NCAM2: variants seen among roughly 807,000 people sequenced by gnomAD.
NCAM2 encodes the protein neural cell adhesion molecule 2.
Under a neutral mutation model 98.1 loss-of-function variants are expected in NCAM2, and 30 were observed. The ratio of observed to expected loss-of-function variants is 0.31; its 90% CI spans 0.23 to 0.41. NCAM2 has a LOEUF of 0.41. NCAM2 is among the 10% of genes least tolerant of loss of function. NCAM2 has a pLI of 1.00. For missense variants in NCAM2, 867 were observed against 1,005.8 expected, an observed-to-expected ratio of 0.86 and a Z score of 1.87; for synonymous variants, 368 against 342.4, an observed-to-expected ratio of 1.07 and a Z score of -0.83.
chr21:21,077,244 G>A (rs964817823), intron 1 of NCAM2, among the ~76,000 whole-genome samples: 17 of 152,284 alleles, frequency 1.1e-4, no homozygotes, highest in Non-Finnish European at 2.2e-4. Context: ...TGTAAATTAT[G>A]TGTGGCTTTG....
chr21:21,099,857 T>C (rs1040886621), intron 1 of NCAM2, among the ~76,000 whole-genome samples: 1 of 151,888 alleles, frequency 6.6e-6, no homozygotes. Context: ...TCTTTACTTC[T>C]ACACTACTGA....
intron 5 of NCAM2, among the ~76,000 whole-genome samples, chr21:21,316,199 C>T (rs945740452): frequency 6.6e-6 from 1 of 152,048 alleles, no homozygotes; most frequent in African/African-American, 2.4e-5. Context: ...AAAGTAGTTC[C>T]AATTATTTCT....
intron 16 of NCAM2, among the ~76,000 whole-genome samples, chr21:21,518,679 A>G (rs954240562): frequency 4.6e-5 from 7 of 151,774 alleles, no homozygotes; most frequent in African/African-American, 1.7e-4. Context: ...ATAGATAGAG[A>G]TATATATTAA....
chr21:21,395,784 C>T (rs922495641), intron 9 of NCAM2, among the ~76,000 whole-genome samples: 3 of 150,258 alleles, frequency 2.0e-5, no homozygotes, highest in South Asian at 2.1e-4. Flanking sequence ...ATTCAACAAA[C>T]GGTACTGGGA....
chr21:21,457,148 T>C (rs1250640527), intron 12 of NCAM2, among the ~76,000 whole-genome samples: 1 of 151,860 alleles, frequency 6.6e-6, no homozygotes, highest in Non-Finnish European at 1.5e-5. Context: ...TTGCCTCAAA[T>C]AGACTATTAA....
chr21:21,034,054 G>GT (rs1197196654), intron 1 of NCAM2, among the ~76,000 whole-genome samples: 2 of 147,862 alleles, frequency 1.4e-5, no homozygotes, highest in Admixed American at 6.7e-5. Flanking sequence ...ATAGGCAAAG[G>GT]GGGGGGGGAA....
intron 1 of NCAM2, among the ~76,000 whole-genome samples, chr21:21,276,683 A>T (rs191441968): frequency 3.7e-4 from 57 of 152,244 alleles, no homozygotes; most frequent in Non-Finnish European, 7.2e-4. Context: ...AATTTTAGTT[A>T]TGTAGGATTT....
intron 1 of NCAM2, among the ~76,000 whole-genome samples, chr21:21,152,535 T>C (rs1030658633): frequency 5.3e-5 from 8 of 151,954 alleles, no homozygotes; most frequent in Admixed American, 2.6e-4. Flanking sequence ...GTGGCAACAA[T>C]TGAAACATTT....
chr21:21,283,686 T>C (rs2147512425), intron 2 of NCAM2, among the ~76,000 whole-genome samples: 1 of 152,046 alleles, frequency 6.6e-6, no homozygotes, highest in Non-Finnish European at 1.5e-5. Flanking sequence ...AAATTTAGTA[T>C]TATCAAAGGC....
chr21:21,128,210 A>G (rs751060738), intron 1 of NCAM2, among the ~76,000 whole-genome samples: 1 of 150,908 alleles, frequency 6.6e-6, no homozygotes, highest in African/African-American at 2.4e-5. Flanking sequence ...TAGTTGGTCA[A>G]AGAACAAATA....
At chr21:21,480,751 A>G (rs945759960) in intron 15 of NCAM2, among the ~76,000 whole-genome samples, 3 of 152,204 alleles carry the variant, frequency 2.0e-5, no homozygotes, top group Non-Finnish European at 4.4e-5. Context: ...ACAGCGGTAG[A>G]AAAAATAAAA....
chr21:21,042,295 C>T (rs999319529), intron 1 of NCAM2, among the ~76,000 whole-genome samples: 1 of 152,108 alleles, frequency 6.6e-6, no homozygotes, highest in Non-Finnish European at 1.5e-5. Context: ...CACGATTCTC[C>T]TGCGTCAGCC....
chr21:21,216,047 A>T (rs894809098), intron 1 of NCAM2, among the ~76,000 whole-genome samples: 11 of 152,300 alleles, frequency 7.2e-5, no homozygotes, highest in South Asian at 6.2e-4. Flanking sequence ...GACCTGAGAC[A>T]ATATATTTAT....
intron 15 of NCAM2, among the ~76,000 whole-genome samples, chr21:21,503,844 A>G (rs1000251943): frequency 2.6e-5 from 4 of 151,940 alleles, no homozygotes; most frequent in African/African-American, 9.7e-5. Flanking sequence ...TAAACCAAAT[A>G]TATTTTTAAC....
chr21:21,456,246 G>T (rs540088404), intron 12 of NCAM2, among the ~76,000 whole-genome samples: 1 of 152,206 alleles, frequency 6.6e-6, no homozygotes, highest in South Asian at 2.1e-4. Flanking sequence ...GAATATGCTG[G>T]CCAGAGTGTA....
At chr21:21,129,843 C>T (rs921102864) in intron 1 of NCAM2, among the ~76,000 whole-genome samples, 1 of 152,108 alleles carries the variant, frequency 6.6e-6, no homozygotes, top group Non-Finnish European at 1.5e-5. Flanking sequence ...TATATTTTCA[C>T]GAGGATCTGC....
At chr21:21,498,044 T>C (rs1014407595) in intron 15 of NCAM2, among the ~76,000 whole-genome samples, 3 of 152,148 alleles carry the variant, frequency 2.0e-5, no homozygotes, top group Non-Finnish European at 2.9e-5. Context: ...TTACACAATC[T>C]ACATCAGTGT....
chr21:21,044,512 A>G (rs1030421208), intron 1 of NCAM2, among the ~76,000 whole-genome samples: 5 of 152,212 alleles, frequency 3.3e-5, no homozygotes, highest in Admixed American at 1.3e-4. Context: ...TTTATATTGT[A>G]TAAATAACTA....
At chr21:21,189,705 C>A (rs982214272) in intron 1 of NCAM2, among the ~76,000 whole-genome samples, 2 of 152,108 alleles carry the variant, frequency 1.3e-5, no homozygotes, top group Non-Finnish European at 2.9e-5. Flanking sequence ...AAATCCTCAC[C>A]CACTAGAAAT....
Sources: gnomAD v4.1 joint callset for allele counts (sites outside exome capture counted in the v4.1 genomes callset) on GRCh38, gnomAD v4.1.1 for gene constraint, MANE v1.5 for transcripts, NCBI Gene and HGNC (gene_info 2026-07-23, HGNC 2026-07-21) for gene names.